Variants in LRP1B observed in about 807,000 individuals in gnomAD.
LRP1B encodes the protein LDL receptor related protein 1B.
In LRP1B, 217 loss-of-function variants were observed where a neutral mutation model predicts 556.6. That is an observed-to-expected ratio of 0.39 (90% CI 0.35 to 0.44). The LOEUF (loss-of-function observed/expected upper bound fraction) is 0.44, where lower values mean the gene tolerates loss of function less well. LRP1B is among the 20% of genes least tolerant of loss of function. LRP1B has a pLI of 1.00. For synonymous variants in LRP1B, 2,047 were observed against 1,865.8 expected (o/e 1.10, Z -2.50); for missense variants, 5,053 against 5,620.8 (o/e 0.90, Z 3.23).
Position 141,064,229 on chromosome 2 carries a change from C to CA in LRP1B, c.1014-1957dup, listed in dbSNP as rs542056745. Among the ~76,000 whole-genome samples the CA allele has an allele frequency of 4.5e-4, 67 of 150,458 alleles. No homozygotes were observed. In the South Asian group the frequency reaches 6.9e-3, roughly 15 times the overall value. On this transcript the variant is annotated intron_variant, in intron 7 of 90. Coordinates refer to ENST00000389484, the MANE Select transcript of LRP1B (RefSeq NM_018557.3). ...TGACTGGGTCAATCACTTTACAAAG[C>CA]AAAAAAAAGAAGGATATAGATTAAG...
intron 1 of LRP1B, among the ~76,000 whole-genome samples, chr2:142,025,841 C>T (rs926902715): frequency 9.2e-5 from 14 of 152,044 alleles, no homozygotes; most frequent in African/African-American, 2.9e-4. Context: ...GTGAGGAATG[C>T]GCTCCATGCA....
intron 7 of LRP1B, among the ~76,000 whole-genome samples, chr2:141,072,253 G>T (rs376155920): frequency 6.6e-6 from 1 of 152,058 alleles, no homozygotes; most frequent in Non-Finnish European, 1.5e-5. Flanking sequence ...CAAACTGGTT[G>T]TATCACTGAC....
At chr2:142,031,609 A>ATT (rs1703712414) in intron 1 of LRP1B, among the ~76,000 whole-genome samples, 1 of 149,246 alleles carries the variant, frequency 6.7e-6, no homozygotes, top group Non-Finnish European at 1.5e-5. Context: ...ACATATTGTC[A>ATT]ACTAAAAAAA....
chr2:141,464,604 A>ATTTTTTTTTT (rs1415837703), intron 3 of LRP1B, among the ~76,000 whole-genome samples: 1 of 72,796 alleles, frequency 1.4e-5, no homozygotes, highest in East Asian at 2.8e-4. Context: ...ATATATATAT[A>ATTTTTTTTTT]TATTTTTTTA....
intron 66 of LRP1B, among the ~76,000 whole-genome samples, chr2:140,412,149 A>C (rs574872600): frequency 6.6e-6 from 1 of 152,254 alleles, no homozygotes; most frequent in South Asian, 2.1e-4. Flanking sequence ...GTTACTCTAC[A>C]AAGGTTCATA....
intron 1 of LRP1B, among the ~76,000 whole-genome samples, chr2:141,974,213 T>C (rs2105081579): frequency 6.6e-6 from 1 of 152,104 alleles, no homozygotes; most frequent in African/African-American, 2.4e-5. Context: ...AGTGTTAAGT[T>C]TCTTTCTTTG....
chr2:140,854,936 C>T, intron 27 of LRP1B, among the ~76,000 whole-genome samples: 1 of 152,232 alleles, frequency 6.6e-6, no homozygotes, highest in East Asian at 1.9e-4. Context: ...AGCCATTGAT[C>T]AATGGAGTGC....
intron 23 of LRP1B, among the ~76,000 whole-genome samples, chr2:140,895,878 CTCT>C: frequency 6.6e-6 from 1 of 152,100 alleles, no homozygotes; most frequent in Non-Finnish European, 1.5e-5. Context: ...CTGTTTTTTT[CTCT>C]TCTTCTCTGC....
At chr2:141,363,825 CA>C (rs1667903886) in intron 3 of LRP1B, among the ~76,000 whole-genome samples, 1 of 151,994 alleles carries the variant, frequency 6.6e-6, no homozygotes, top group African/African-American at 2.4e-5. Context: ...GTTTTCTAAA[CA>C]AAGATATATT....
intron 7 of LRP1B, among the ~76,000 whole-genome samples, chr2:141,142,534 A>G (rs1304741081): frequency 6.6e-6 from 1 of 152,216 alleles, no homozygotes; most frequent in Non-Finnish European, 1.5e-5. Flanking sequence ...GATGTTGTTA[A>G]GATATAAAGT....
At position 140,689,257 on chromosome 2, in the gene LRP1B, C is replaced by T. The variant is rs188725182; in HGVS notation, c.6799+10993G>A. Among the ~76,000 whole-genome samples the T allele has an allele frequency of 2.2e-3, 337 of 152,272 alleles. 2 individuals carry two copies. Among genetic ancestry groups the T allele is most frequent in the African/African-American group, 7.3e-3 (304 of 41,554 alleles). ...TAACAATAGCTGAGTCTTGTCCAAT[C>T]CCAGTGGCCATATTTCAAACATCCA... On this transcript the variant is annotated intron_variant, in intron 41 of 90. Coordinates refer to ENST00000389484, the MANE Select transcript of LRP1B (RefSeq NM_018557.3).
In LRP1B at chr2:140,766,844, T is replaced by TATATATATATATATATATA. The variant is rs1491148843; in HGVS notation, c.5758+2368_5758+2369insTATATATATATATATATAT. Among the ~76,000 whole-genome samples, 9 of 54,916 alleles carry TATATATATATATATATATA rather than the reference T, an allele frequency of 1.6e-4. No individual in the cohort carries two copies. The East Asian group carries it at 2.3e-3, about 14-fold the overall frequency. 36.0% of individuals were successfully genotyped at this position (54,916 alleles called of 152,430 possible). Reference sequence around the variant, plus strand: ...TAAAATATATATATATATATATATATTATATATATATATATATATATAATA... The same window carrying TATATATATATATATATATA: ...TAAAATATATATATATATATATATATATATATATATATATATATATATATATATATATATATATATAATA... On this transcript the variant is annotated intron_variant, in intron 35 of 90. Coordinates refer to ENST00000389484, the MANE Select transcript of LRP1B (RefSeq NM_018557.3).
chr2:141,300,612 G>C (rs964051431), intron 3 of LRP1B, among the ~76,000 whole-genome samples: 2 of 152,062 alleles, frequency 1.3e-5, no homozygotes, highest in Non-Finnish European at 2.9e-5. Context: ...ATCCCCCTTG[G>C]TGCTATCATC....
At chr2:140,792,307 C>G (rs893031715) in intron 32 of LRP1B, among the ~76,000 whole-genome samples, 1 of 152,082 alleles carries the variant, frequency 6.6e-6, no homozygotes, top group African/African-American at 2.4e-5. Context: ...CATAAGCCAC[C>G]AGACATTGAA....
chr2:140,976,209 C>T (rs1042099617), intron 18 of LRP1B, among the ~76,000 whole-genome samples: 1 of 151,994 alleles, frequency 6.6e-6, no homozygotes, highest in Non-Finnish European at 1.5e-5. Context: ...CATGAGCCAC[C>T]ATGCCCGCCT....
At chr2:141,610,722 T>G (rs1688080023) in intron 2 of LRP1B, among the ~76,000 whole-genome samples, 1 of 152,210 alleles carries the variant, frequency 6.6e-6, no homozygotes, top group African/African-American at 2.4e-5. Flanking sequence ...TCATCATGAT[T>G]TTCTGACATT....
chr2:140,530,214 T>C (rs1297851906), intron 47 of LRP1B, among the ~76,000 whole-genome samples: 1 of 151,998 alleles, frequency 6.6e-6, no homozygotes, highest in Non-Finnish European at 1.5e-5. Flanking sequence ...CACTTTATCT[T>C]TTATATTTTA....
At chr2:141,820,145 G>A (rs1245229942) in intron 1 of LRP1B, among the ~76,000 whole-genome samples, 1 of 152,102 alleles carries the variant, frequency 6.6e-6, no homozygotes, top group Non-Finnish European at 1.5e-5. Context: ...TTGAGATTCA[G>A]TGTTACCCTC....
At chr2:140,361,379 T>TATATATATATATATAA (rs1190166439) in intron 72 of LRP1B, among the ~76,000 whole-genome samples, 1 of 130,576 alleles carries the variant, frequency 7.7e-6, no homozygotes, top group Non-Finnish European at 1.6e-5. Context: ...TATATATATA[T>TATATATATATATATAA]AACAAAAATA....
Sources: gnomAD v4.1 joint callset for allele counts (sites outside exome capture counted in the v4.1 genomes callset) on GRCh38, gnomAD v4.1.1 for gene constraint, MANE v1.5 for transcripts, NCBI Gene and HGNC (gene_info 2026-07-23, HGNC 2026-07-21) for gene names.